Variants in CDYL2 observed in about 807,000 individuals in gnomAD.
CDYL2 encodes chromodomain Y like 2.
CDYL2 carries 23 observed loss-of-function variants against 49.4 expected under a neutral mutation model. The ratio of observed to expected loss-of-function variants is 0.47; its 90% confidence interval spans 0.34 to 0.66. CDYL2 has a LOEUF of 0.66. CDYL2 is among the 30% of genes least tolerant of loss of function. The pLI is 0.01. For synonymous variants in CDYL2, 360 were observed against 268.8 expected (o/e 1.34, Z -3.32); for missense variants, 678 against 656.4 (o/e 1.03, Z -0.36).
In CDYL2 at chr16:80,612,877, C is replaced by A. The variant is rs768717900; in HGVS notation, c.1008-41G>T. On this transcript the variant is annotated intron_variant, in intron 4 of 6. Transcript: ENST00000570137. The surrounding 1 kb of genome is among the most constrained non-coding windows in gnomAD (Gnocchi z 5.0). ...GATCCTCTTGAACAGGTGACTATAG[C>A]ATGCTAAGCCCCACTGGAACCCTTG... is the stretch of plus-strand genomic sequence containing the variant. 10 of 1,529,268 alleles carry A rather than the reference C, an allele frequency of 6.5e-6. No individual in the cohort carries two copies. In the African/African-American group the frequency reaches 9.6e-5, roughly 15 times the overall value. 94.7% of individuals were successfully genotyped at this position (1,529,268 alleles called of 1,614,324 possible).
chr16:80,659,651 C>T (rs926197878), intron 2 of CDYL2, among the ~76,000 whole-genome samples: 35 of 125,252 alleles, frequency 2.8e-4, no homozygotes, highest in African/African-American at 1.4e-3. Flanking sequence ...CAGACACACA[C>T]AGAAAGAGAG....
At chr16:80,607,360 CAAGG>C (rs1906384334) in intron 6 of CDYL2, among the ~76,000 whole-genome samples, 1 of 152,042 alleles carries the variant, frequency 6.6e-6, no homozygotes, top group South Asian at 2.1e-4. Context: ...CACAGGGAGA[CAAGG>C]AAGGGAGGGG....
chr16:80,781,124 C>A (rs1907253183), intron 1 of CDYL2, among the ~76,000 whole-genome samples: 2 of 152,116 alleles, frequency 1.3e-5, no homozygotes, highest in African/African-American at 4.8e-5. Flanking sequence ...CTAAAAGTGG[C>A]AGAGTGAAAT....
chr16:80,739,463 G>C (rs1905656641), intron 1 of CDYL2, among the ~76,000 whole-genome samples: 1 of 152,206 alleles, frequency 6.6e-6, no homozygotes, highest in South Asian at 2.1e-4. Flanking sequence ...GGAGATGCAA[G>C]AGCTAAAGAA....
intron 2 of CDYL2, among the ~76,000 whole-genome samples, chr16:80,672,650 C>G (rs116791548): frequency 4.0e-3 from 608 of 151,144 alleles, no homozygotes; most frequent in African/African-American, 0.014. Flanking sequence ...GACCACAATT[C>G]TGGCTCTACC....
chr16:80,720,838 C>T (rs551806676), intron 1 of CDYL2, among the ~76,000 whole-genome samples: 59 of 152,298 alleles, frequency 3.9e-4, no homozygotes, highest in Non-Finnish European at 7.3e-4. Flanking sequence ...AAAATATACC[C>T]TGAGAGCCGT....
At chr16:80,641,848 G>A (rs1433689928) in intron 2 of CDYL2, among the ~76,000 whole-genome samples, 2 of 151,172 alleles carry the variant, frequency 1.3e-5, no homozygotes, top group Admixed American at 6.6e-5. Flanking sequence ...GTATACATAT[G>A]TAACAAACCT....
intron 2 of CDYL2, among the ~76,000 whole-genome samples, chr16:80,664,310 C>T (rs999159068): frequency 2.0e-5 from 3 of 152,268 alleles, no homozygotes; most frequent in African/African-American, 4.8e-5. Flanking sequence ...ATGTCATTTC[C>T]GTCCACCTTC....
chr16:80,715,730 C>A (rs1020435626), intron 1 of CDYL2, among the ~76,000 whole-genome samples: 1 of 152,184 alleles, frequency 6.6e-6, no homozygotes, highest in African/African-American at 2.4e-5. Context: ...ATAAGCCCTG[C>A]ACAGTTTGGT....
intron 1 of CDYL2, among the ~76,000 whole-genome samples, chr16:80,771,395 A>C (rs564454025): frequency 6.1e-4 from 93 of 152,312 alleles, no homozygotes; most frequent in Non-Finnish European, 1.2e-3. Flanking sequence ...AAAGTCAACA[A>C]TGAAATTTCA....
intron 1 of CDYL2, among the ~76,000 whole-genome samples, chr16:80,758,838 G>T (rs112376869): frequency 6.6e-6 from 1 of 151,032 alleles, no homozygotes; most frequent in East Asian, 2.0e-4. Context: ...CACCACGCCC[G>T]GCCTGCTGCA....
At chr16:80,724,004 A>G in intron 1 of CDYL2, among the ~76,000 whole-genome samples, 1 of 150,816 alleles carries the variant, frequency 6.6e-6, no homozygotes. Flanking sequence ...AGAAAGAGGA[A>G]GAAGCAAGAA....
At chr16:80,665,544 A>G (rs1021048154) in intron 2 of CDYL2, among the ~76,000 whole-genome samples, 1 of 150,548 alleles carries the variant, frequency 6.6e-6, no homozygotes, top group African/African-American at 2.5e-5. Context: ...AACCGCAATT[A>G]CTTTTGCACC....
In CDYL2 at chr16:80,790,073, G is replaced by A. The variant is rs116818758; in HGVS notation, c.24+14077C>T. Among the ~76,000 whole-genome samples the A allele has an allele frequency of 8.4e-3, 1,272 of 152,160 alleles. 17 individuals are homozygous for A. The highest frequency in any genetic ancestry group is 0.03 in the African/African-American group (1,228 of 41,498). On this transcript the variant is annotated intron_variant, in intron 1 of 6. Transcript: ENST00000570137. Reference sequence around the variant, plus strand: ...AAAACAAAATAAAATAATAGCAAACGCTATTATAACTGTTTTTTACAATTA... The same window carrying A: ...AAAACAAAATAAAATAATAGCAAACACTATTATAACTGTTTTTTACAATTA...
intron 1 of CDYL2, among the ~76,000 whole-genome samples, chr16:80,742,786 A>G (rs1429682726): frequency 7.0e-6 from 1 of 143,422 alleles, no homozygotes. Flanking sequence ...AGATGGGCAG[A>G]TGGATGGACT....
At chr16:80,729,870 G>A (rs1183796087) in intron 1 of CDYL2, among the ~76,000 whole-genome samples, 4 of 152,122 alleles carry the variant, frequency 2.6e-5, no homozygotes, top group African/African-American at 7.2e-5. Flanking sequence ...ATAACGAAAT[G>A]AAGGCAGAAA....
chr16:80,620,013 C>A (rs1209528462), intron 4 of CDYL2, among the ~76,000 whole-genome samples: 1 of 152,172 alleles, frequency 6.6e-6, no homozygotes, highest in African/African-American at 2.4e-5. Context: ...CTCATGTGAC[C>A]AGGGGCATTC....
rs140225330 is a variant in CDYL2, at chr16:80,625,478, A to G, written c.835-4543T>C. ...AGCTAACTGGCACCCTTAATTGTATATCTGAAACCTTAAATCCCCCTAGCC... is the reference window on the plus strand; with the variant it reads ...AGCTAACTGGCACCCTTAATTGTATGTCTGAAACCTTAAATCCCCCTAGCC... On this transcript the variant is annotated intron_variant, in intron 3 of 6. Coordinates refer to ENST00000570137, the MANE Select transcript of CDYL2 (RefSeq NM_152342.4). 5.3e-3 allele frequency among the ~76,000 whole-genome samples: 801 copies of G among 152,296 alleles called. 9 individuals carry two copies. Among genetic ancestry groups the G allele is most frequent in the African/African-American group, 0.018 (745 of 41,552 alleles).
intron 1 of CDYL2, among the ~76,000 whole-genome samples, chr16:80,700,259 C>A (rs1323430394): frequency 3.3e-5 from 5 of 152,178 alleles, no homozygotes; most frequent in Admixed American, 3.3e-4. Flanking sequence ...ACATATCAAA[C>A]ACAAAAAATG....
Sources: gnomAD v4.1 joint callset for allele counts (sites outside exome capture counted in the v4.1 genomes callset) on GRCh38, gnomAD v4.1.1 for gene constraint, Gnocchi (gnomAD v3.1) non-coding constraint, MANE v1.5 for transcripts, NCBI Gene and HGNC (gene_info 2026-07-23, HGNC 2026-07-21) for gene names.